LYST: variants seen among roughly 807,000 people sequenced by gnomAD.
LYST encodes the protein lysosomal-trafficking regulator.
A neutral mutation model predicts 413.6 loss-of-function variants in LYST; 192 were observed. The observed-to-expected ratio is 0.46, with a 90% CI of 0.41 to 0.52. The LOEUF (loss-of-function observed/expected upper bound fraction) is 0.52, where lower values mean the gene tolerates loss of function less well. Ranked by LOEUF, LYST falls within the 20% of genes least tolerant of loss-of-function variation. The probability of loss-of-function intolerance (pLI) is 0.00; values close to 1 mark genes in which losing one functional copy is unlikely to be tolerated. For synonymous variants in LYST, 1,525 were observed against 1,567.3 expected, an observed-to-expected ratio of 0.97 and a Z score of 0.64; for missense variants, 3,815 against 4,499.9, an observed-to-expected ratio of 0.85 and a Z score of 4.35.
Position 235,759,579 on chromosome 1 carries a change from T to C in LYST, c.6274A>G (p.Ile2092Val). 6.2e-7 allele frequency: 1 copy of C among 1,613,366 alleles called. No homozygotes were observed. Among genetic ancestry groups the C allele is most frequent in the Non-Finnish European group, 8.5e-7 (1 of 1,179,438 alleles). ...ATATGGGCGGCCATCTGTTGTGGAA[T>C]AATATTAGAGGAATTCTCTCCTGGT... ...PYEGENSSNI[I>V]PQQMAAHMLR... The change falls in exon 23 of 53, where the codon ATT (isoleucine) becomes GTT (valine). Residue 2092 changes from isoleucine to valine, a missense_variant. Coordinates refer to ENST00000389793, the MANE Select transcript of LYST (RefSeq NM_000081.4).
intron 48 of LYST, among the ~76,000 whole-genome samples, chr1:235,681,932 A>T (rs1273715732): frequency 6.6e-6 from 1 of 151,974 alleles, no homozygotes; most frequent in Non-Finnish European, 1.5e-5. Context: ...CAGCTGTGAC[A>T]CGTTGGGCAA....
intron 26 of LYST, among the ~76,000 whole-genome samples, chr1:235,752,815 T>A (rs568192984): frequency 6.6e-6 from 1 of 152,210 alleles, no homozygotes; most frequent in South Asian, 2.1e-4. Context: ...AGAAACTAAC[T>A]TGGGCCAGTT....
intron 17 of LYST, 120 bp downstream of exon 17, chr1:235,776,943 T>C (rs1365691105): frequency 1.3e-6 from 1 of 775,520 alleles, no homozygotes; most frequent in Non-Finnish European, 2.1e-6. Flanking sequence ...AATTTTTTTA[T>C]GTTAAAAGTT....
chr1:235,869,868 T>C (rs894748476), upstream of LYST, among the ~76,000 whole-genome samples: 2 of 152,170 alleles, frequency 1.3e-5, no homozygotes, highest in Non-Finnish European at 2.9e-5. Context: ...GCTTCTTTAC[T>C]GTTTACCAAA....
intron 38 of LYST, among the ~76,000 whole-genome samples, chr1:235,727,127 T>TC (rs1663954327): frequency 6.7e-6 from 1 of 149,078 alleles, no homozygotes; most frequent in Non-Finnish European, 1.5e-5. Flanking sequence ...TTTCTTTCTT[T>TC]TTTTTTTTTT....
At chr1:235,868,935 T>A (rs1465094835), upstream of LYST, among the ~76,000 whole-genome samples, 1 of 152,056 alleles carries the variant, frequency 6.6e-6, no homozygotes, top group Non-Finnish European at 1.5e-5. Flanking sequence ...CCTCAGGTGA[T>A]CCACCCACCT....
chr1:235,799,480 T>C (rs534992186), intron 10 of LYST, among the ~76,000 whole-genome samples: 2 of 152,322 alleles, frequency 1.3e-5, no homozygotes, highest in South Asian at 2.1e-4. Flanking sequence ...GTCCTTTTGA[T>C]ATGATGCACT....
intron 3 of LYST, chr1:235,829,311 G>A (rs1675687646): frequency 6.6e-6 from 1 of 152,118 alleles, no homozygotes; most frequent in Non-Finnish European, 1.5e-5. Flanking sequence ...CAGAAGTACT[G>A]TTTTAGTCTC....
At chr1:235,714,273 C>T (rs750327931) in intron 42 of LYST, among the ~76,000 whole-genome samples, 1 of 152,112 alleles carries the variant, frequency 6.6e-6, no homozygotes, top group African/African-American at 2.4e-5. Context: ...TAGGACCATG[C>T]ATCCAGGAGG....
chr1:235,815,951 G>A (rs1381319155), intron 3 of LYST, among the ~76,000 whole-genome samples: 2 of 151,246 alleles, frequency 1.3e-5, no homozygotes, highest in Non-Finnish European at 2.9e-5. Flanking sequence ...GCCAACTGGT[G>A]AAACCCCATC....
At chr1:235,704,408 G>A (rs995066366) in intron 44 of LYST, among the ~76,000 whole-genome samples, 1 of 152,042 alleles carries the variant, frequency 6.6e-6, no homozygotes, top group Non-Finnish European at 1.5e-5. Flanking sequence ...CCAGAACCTC[G>A]CCAGCATCTG....
chr1:235,675,449 T>C (rs1224929491), intron 50 of LYST, among the ~76,000 whole-genome samples: 1 of 152,222 alleles, frequency 6.6e-6, no homozygotes, highest in Non-Finnish European at 1.5e-5. Flanking sequence ...CTTTTTTCGG[T>C]GTGCTCTTAC....
intron 48 of LYST, among the ~76,000 whole-genome samples, chr1:235,679,792 G>A (rs1445722041): frequency 2.0e-5 from 3 of 152,178 alleles, no homozygotes; most frequent in East Asian, 1.9e-4. Flanking sequence ...TTTTGGAGGC[G>A]GGCTCTCTTG....
Position 235,752,792 on chromosome 1 carries a change from T to C in LYST, c.7460+252A>G, listed in dbSNP as rs115258124. On this transcript the variant is annotated intron_variant, in intron 26 of 52. Coordinates refer to ENST00000389793, the MANE Select transcript of LYST (RefSeq NM_000081.4). ...CTTCTCTCCATCTGGGTTTTCCAAA[T>C]CAAGAAAGGGTTAGAAACTAACTTG... 2.5e-3 allele frequency among the ~76,000 whole-genome samples: 382 copies of C among 152,158 alleles called. 1 individual carries two copies. The highest frequency in any genetic ancestry group is 8.8e-3 in the African/African-American group (367 of 41,558).
In LYST at chr1:235,664,658, G is replaced by A. The variant is rs199889667; in HGVS notation, c.11039-37C>T. On this transcript the variant is annotated intron_variant, in intron 50 of 52. Transcript: ENST00000389793. The surrounding 1 kb of genome is among the most constrained non-coding windows in gnomAD (Gnocchi z 4.5). ...AAATCATCCGGCGGGTTACCAGAATGTGGCTGTCTCAGAGCCCACATTTGG... is the reference window on the plus strand; with the variant it reads ...AAATCATCCGGCGGGTTACCAGAATATGGCTGTCTCAGAGCCCACATTTGG... The A allele has an allele frequency of 3.1e-6, 5 of 1,612,566 alleles. No individual in the cohort carries two copies. Among genetic ancestry groups the A allele is most frequent in the African/African-American group, 2.7e-5 (2 of 74,994 alleles).
chr1:235,690,387 C>G (rs1025952772), intron 47 of LYST, among the ~76,000 whole-genome samples: 2 of 152,100 alleles, frequency 1.3e-5, no homozygotes, highest in Non-Finnish European at 2.9e-5. Context: ...TTTGTAGACT[C>G]ATTTCCAATT....
intron 45 of LYST, among the ~76,000 whole-genome samples, chr1:235,700,903 A>T (rs1477909320): frequency 6.6e-6 from 1 of 152,234 alleles, no homozygotes; most frequent in East Asian, 1.9e-4. Context: ...ATAGACAAAT[A>T]AATAAACAAA....
chr1:235,858,279 T>G (rs1210381081), intron 1 of LYST, among the ~76,000 whole-genome samples: 4 of 152,212 alleles, frequency 2.6e-5, no homozygotes, highest in Non-Finnish European at 5.9e-5. Context: ...AGCTCCAGTT[T>G]CCTCATCTGT....
At chr1:235,838,685 A>G (rs1347646601) in intron 1 of LYST, among the ~76,000 whole-genome samples, 3 of 152,210 alleles carry the variant, frequency 2.0e-5, no homozygotes, top group Non-Finnish European at 4.4e-5. Context: ...TTAGTTGAGC[A>G]ATGACATTAA....
Sources: allele counts gnomAD v4.1 joint callset (sites outside exome capture counted in the v4.1 genomes callset), GRCh38; gene constraint gnomAD v4.1.1; non-coding constraint Gnocchi (gnomAD v3.1); transcripts MANE v1.5; gene names NCBI Gene and HGNC (gene_info 2026-07-23, HGNC 2026-07-21).